LIMS1: variants seen among roughly 807,000 people sequenced by gnomAD.
LIMS1 encodes LIM and senescent cell antigen-like-containing domain protein 1.
LIMS1 carries 18 observed loss-of-function variants against 44.1 expected under a neutral mutation model. That is an observed-to-expected ratio of 0.41 (90% CI 0.28 to 0.61). The LOEUF (loss-of-function observed/expected upper bound fraction) is 0.61, where lower values mean the gene tolerates loss of function less well. LIMS1 is among the 20% of genes least tolerant of loss of function. LIMS1 has a pLI of 0.32. For missense variants in LIMS1, 201 were observed against 422.0 expected (o/e 0.48, Z 4.59); for synonymous variants, 93 against 149.1 (o/e 0.62, Z 2.74).
intron 1 of LIMS1, among the ~76,000 whole-genome samples, chr2:108,642,842 T>C (rs1439205698): frequency 6.6e-6 from 1 of 152,154 alleles, no homozygotes; most frequent in Non-Finnish European, 1.5e-5. Context: ...TTGACTAAAA[T>C]CATGAAGTTA....
intron 1 of LIMS1, among the ~76,000 whole-genome samples, chr2:108,651,306 A>G (rs1468665108): frequency 6.6e-6 from 1 of 152,194 alleles, no homozygotes; most frequent in Non-Finnish European, 1.5e-5. Context: ...GGAGAGGCTA[A>G]TGGGAAGGTG....
intron 1 of LIMS1, among the ~76,000 whole-genome samples, chr2:108,566,531 A>G (rs893627565): frequency 1.3e-5 from 2 of 152,160 alleles, no homozygotes; most frequent in Non-Finnish European, 2.9e-5. Flanking sequence ...GTAAAACCCA[A>G]ACCCTACTCT....
At chr2:108,635,897 G>A (rs1689215011) in intron 1 of LIMS1, among the ~76,000 whole-genome samples, 1 of 152,176 alleles carries the variant, frequency 6.6e-6, no homozygotes, top group South Asian at 2.1e-4. Flanking sequence ...CTTGGAGAAA[G>A]AGCCCAAAAG....
intron 5 of LIMS1, among the ~76,000 whole-genome samples, chr2:108,674,277 C>T (rs1472899898): frequency 2.0e-5 from 3 of 151,860 alleles, no homozygotes; most frequent in Admixed American, 6.6e-5. Context: ...TTGCAGTGAG[C>T]TGAGATCGCA....
At chr2:108,605,324 G>A (rs1023599078) in intron 1 of LIMS1, among the ~76,000 whole-genome samples, 6 of 152,044 alleles carry the variant, frequency 3.9e-5, no homozygotes, top group East Asian at 3.9e-4. Flanking sequence ...TTATAAGCTC[G>A]GTTCTTTGTT....
intron 1 of LIMS1, among the ~76,000 whole-genome samples, chr2:108,535,661 T>A (rs75979533): frequency 4.8e-4 from 73 of 152,362 alleles, no homozygotes; most frequent in African/African-American, 1.7e-3. Context: ...AAAGTCTTTA[T>A]GTTAAAAGCC....
At chr2:108,637,099 ATGTG>A (rs74315160) in intron 1 of LIMS1, among the ~76,000 whole-genome samples, 4,912 of 98,456 alleles carry the variant, frequency 0.05, 117 homozygotes, top group South Asian at 0.1. Context: ...ATATACATAT[ATGTG>A]TGTGTGTGTG....
At chr2:108,552,370 A>G (rs1009546971) in intron 1 of LIMS1, among the ~76,000 whole-genome samples, 10 of 142,766 alleles carry the variant, frequency 7.0e-5, no homozygotes, top group South Asian at 2.1e-4. Context: ...TACTATACGT[A>G]TAGTATATAT....
chr2:108,641,700 G>A (rs1689678702), intron 1 of LIMS1, among the ~76,000 whole-genome samples: 1 of 152,044 alleles, frequency 6.6e-6, no homozygotes, highest in Non-Finnish European at 1.5e-5. Context: ...CTTTATCACT[G>A]TCTTGCTTCT....
intron 1 of LIMS1, among the ~76,000 whole-genome samples, chr2:108,601,015 C>T (rs1297382414): frequency 2.6e-5 from 4 of 152,044 alleles, no homozygotes; most frequent in Non-Finnish European, 5.9e-5. Context: ...CTCACTGCAA[C>T]TTCTGCCTCC....
rs1410670286 is a variant in LIMS1 at position 108,680,778 on chromosome 2, T to A, written c.899+8T>A. On this transcript the variant is annotated splice_region_variant and intron_variant, in intron 9 of 9. Transcript: ENST00000544547. ...CACTAAATTAACACTCAAGTAAGTG[T>A]ACGGTTTTGTCCAGTGTGAATCCTA... 1 of 1,609,220 alleles carries A rather than the reference T, an allele frequency of 6.2e-7. No homozygotes were observed.
chr2:108,571,245 C>A (rs1307026525), intron 1 of LIMS1, among the ~76,000 whole-genome samples: 3 of 151,992 alleles, frequency 2.0e-5, no homozygotes. Flanking sequence ...TTCTAGATAA[C>A]CATTTGAGGT....
exon 4 of LIMS1, chr2:108,672,370 G>T: frequency 1.5e-6 from 2 of 1,302,926 alleles, no homozygotes; most frequent in Non-Finnish European, 2.1e-6. Context: ...AATAACAGCT[G>T]GCATCCGGAG....
At chr2:108,587,040 G>A (rs182717074) in intron 1 of LIMS1, among the ~76,000 whole-genome samples, 1 of 152,190 alleles carries the variant, frequency 6.6e-6, no homozygotes, top group Non-Finnish European at 1.5e-5. Flanking sequence ...TTGGATTTCA[G>A]AGTACGTGAA....
At chr2:108,541,988 G>A (rs1684331899) in intron 1 of LIMS1, among the ~76,000 whole-genome samples, 1 of 152,182 alleles carries the variant, frequency 6.6e-6, no homozygotes, top group Non-Finnish European at 1.5e-5. Flanking sequence ...ATCTCTGGAA[G>A]TAAAGGAATG....
intron 1 of LIMS1, among the ~76,000 whole-genome samples, chr2:108,632,509 A>T (rs1270227814): frequency 1.3e-5 from 2 of 151,968 alleles, no homozygotes; most frequent in African/African-American, 4.8e-5. Context: ...GTGAAGGAAA[A>T]CTCAAGGGAG....
intron 8 of LIMS1, among the ~76,000 whole-genome samples, 150 bp from the exon 9 acceptor site, chr2:108,680,540 TAAAAA>T (rs772500201): frequency 1.2e-5 from 1 of 81,582 alleles, no homozygotes; most frequent in African/African-American, 4.2e-5. Flanking sequence ...CTGTCTCATT[TAAAAA>T]AAAAAAAAAA....
At chr2:108,601,755 G>A (rs1245100354) in intron 1 of LIMS1, among the ~76,000 whole-genome samples, 2 of 152,218 alleles carry the variant, frequency 1.3e-5, no homozygotes, top group African/African-American at 4.8e-5. Flanking sequence ...GAACTCAGGT[G>A]ATCCACCCAC....
chr2:108,593,742 C>T (rs1159216209), intron 1 of LIMS1, among the ~76,000 whole-genome samples: 1 of 152,170 alleles, frequency 6.6e-6, no homozygotes, highest in East Asian at 1.9e-4. Context: ...GTGAATTTTC[C>T]ACAGATAAAC....
Sources: allele counts gnomAD v4.1 joint callset (sites outside exome capture counted in the v4.1 genomes callset), GRCh38; gene constraint gnomAD v4.1.1; transcripts MANE v1.5; gene names NCBI Gene and HGNC (gene_info 2026-07-23, HGNC 2026-07-21).